Variants in TOP1MT observed in about 807,000 individuals in gnomAD.
TOP1MT encodes the protein DNA topoisomerase I, mitochondrial.
Under a neutral mutation model 73.9 loss-of-function variants are expected in TOP1MT, and 80 were observed. The ratio of observed to expected loss-of-function variants is 1.08; its 90% CI spans 0.90 to 1.30. TOP1MT has a LOEUF of 1.30. Among genes scored for constraint, TOP1MT ranks in the 50% most tolerant of loss-of-function variants. TOP1MT has a pLI of 0.00. For synonymous variants in TOP1MT, 338 were observed against 326.4 expected (o/e 1.04, Z -0.38); for missense variants, 815 against 808.0 (o/e 1.01, Z -0.10).
chr8:143,326,640 C>T (rs993571961), intron 3 of TOP1MT, among the ~76,000 whole-genome samples: 4 of 152,198 alleles, frequency 2.6e-5, no homozygotes, highest in African/African-American at 9.7e-5. Flanking sequence ...AAAACCTTTG[C>T]ACCCAATAAT....
At chr8:143,359,409 G>A (rs1817465266), upstream of TOP1MT, 2 of 985,256 alleles carry the variant, frequency 2.0e-6, no homozygotes, top group African/African-American at 1.7e-5. Flanking sequence ...GTCACTCTGG[G>A]GCAGAAGACA....
intron 1 of TOP1MT, among the ~76,000 whole-genome samples, chr8:143,354,491 T>TC: frequency 6.6e-6 from 1 of 152,048 alleles, no homozygotes; most frequent in East Asian, 1.9e-4. Flanking sequence ...GGCAGGCGGA[T>TC]TACCTGAGGT....
chr8:143,321,201 C>G lies in TOP1MT; in HGVS notation c.1146G>C (p.Pro382=), dbSNP rs374030470. 1.3e-5 allele frequency: 21 copies of G among 1,589,194 alleles called. No homozygotes were observed. Among genetic ancestry groups the G allele is most frequent in the Admixed American group, 1.7e-5 (1 of 58,098 alleles). The change falls in exon 8 of 14, where the codon CCG becomes CCC. Residue 382 remains proline (P), a splice_region_variant and synonymous_variant. Transcript: ENST00000329245. ...RYYNRVPVEK[P]VYKNLQLFME... ...GGGCAGCTGGCGCGAGGGCACTCAC[C>G]GGCTTCTCCACCGGCACTCTGTTGT... is the stretch of plus-strand genomic sequence containing the variant.
rs758359685 is a variant in TOP1MT, at chr8:143,315,979, G to A, written c.1458+20C>T. ...GGGTCCCTTGAGGGCTGGGCTGGGG[G>A]CTCTCCTGGGAGCTGCTACCTTCGT... On this transcript the variant is annotated intron_variant, in intron 11 of 13. Transcript: ENST00000329245. The A allele has an allele frequency of 3.6e-5, 58 of 1,613,926 alleles. No homozygotes were observed. Among genetic ancestry groups the A allele is most frequent in the Non-Finnish European group, 4.7e-5 (56 of 1,179,956 alleles).
At chr8:143,359,174 C>G (rs1817462172), upstream of TOP1MT, 1 of 965,942 alleles carries the variant, frequency 1.0e-6, no homozygotes, top group Non-Finnish European at 1.2e-6. Flanking sequence ...TGCATAGAGA[C>G]TCCCCTGAAA....
At chr8:143,348,901 C>T (rs1817275299), upstream of TOP1MT, among the ~76,000 whole-genome samples, 1 of 152,220 alleles carries the variant, frequency 6.6e-6, no homozygotes, top group Non-Finnish European at 1.5e-5. The surrounding 1 kb of genome is among the most constrained non-coding windows in gnomAD (Gnocchi z 4.6). Context: ...CCCCAACTCA[C>T]CCTAAGCTGA....
chr8:143,345,920 C>T (rs1031540864), upstream of TOP1MT, among the ~76,000 whole-genome samples: 6 of 152,228 alleles, frequency 3.9e-5, no homozygotes, highest in African/African-American at 1.4e-4. Flanking sequence ...CCGCAGGAAA[C>T]ACCTGCAGAA....
chr8:143,311,115 T>C (rs1321581684), intron 12 of TOP1MT, among the ~76,000 whole-genome samples: 1 of 133,450 alleles, frequency 7.5e-6, no homozygotes, highest in Non-Finnish European at 1.6e-5. Context: ...ACCACGCACA[T>C]GATTTTTTTT....
intron 1 of TOP1MT, among the ~76,000 whole-genome samples, chr8:143,354,372 G>T (rs1445170485): frequency 2.0e-5 from 3 of 152,090 alleles, no homozygotes; most frequent in Non-Finnish European, 4.4e-5. Context: ...ATAGAAAGTA[G>T]ATTAGTGGTT....
chr8:143,322,709 C>G (rs1586760396), intron 7 of TOP1MT, among the ~76,000 whole-genome samples: 3 of 42,224 alleles, frequency 7.1e-5, no homozygotes, highest in African/African-American at 3.6e-4. Flanking sequence ...GCACGCCACA[C>G]GCACGCCACA....
rs1815973057 is a variant in TOP1MT, at chr8:143,310,218, C to T, written c.1554-1G>A. The T allele has an allele frequency of 6.4e-7, 1 of 1,553,924 alleles. No individual in the cohort carries two copies. The highest frequency in any genetic ancestry group is 1.9e-5 in the Admixed American group (1 of 51,454). ...GAGCCGCCTCTTCTTCTCCAGGACA[C>T]TGGCAAGAGAAGAGGAGGCCGCGAG... is the stretch of plus-strand genomic sequence containing the variant. On this transcript the variant is annotated splice_acceptor_variant, in intron 12 of 13. Transcript: ENST00000329245. LOFTEE classifies it high-confidence loss of function.
At chr8:143,324,724 G>T in intron 5 of TOP1MT, 95 bp from the exon 6 acceptor site, 1 of 1,464,218 alleles carries the variant, frequency 6.8e-7, no homozygotes, top group Non-Finnish European at 9.2e-7. Context: ...CCACGTGGTG[G>T]CTATGGTGGT....
In TOP1MT at chr8:143,329,403, C is replaced by T; in HGVS notation, c.307G>A (p.Glu103Lys). Residue 103 changes from glutamate to lysine, a missense_variant, in exon 3 of 14, where the codon GAA becomes AAA. Physicochemically the swap from Glu to Lys is moderately conservative, Grantham distance 56. Transcript: ENST00000329245. Reference sequence around the variant, plus strand: ...CGGAAAACCTCCTTTGTTGTGTATTCATGATCTAACATCCTCCCATAAAAA... The same window carrying T: ...CGGAAAACCTCCTTTGTTGTGTATTTATGATCTAACATCCTCCCATAAAAA... ...ATFYGRMLDH[E>K]YTTKEVFRKN... is the part of the protein sequence containing the mutation. 5 of 1,610,772 alleles carry T rather than the reference C, an allele frequency of 3.1e-6. No homozygotes were observed. Among genetic ancestry groups the T allele is most frequent in the Non-Finnish European group, 4.2e-6 (5 of 1,179,134 alleles).
chr8:143,323,973 C>G (rs755449565), intron 7 of TOP1MT, 26 bp downstream of exon 7: 2 of 1,608,932 alleles, frequency 1.2e-6, no homozygotes, highest in African/African-American at 2.7e-5. Flanking sequence ...GATGAAGAGC[C>G]GCCAGGAAGC....
intron 1 of TOP1MT, 67 bp downstream of exon 1, chr8:143,334,673 C>T: frequency 6.3e-7 from 1 of 1,578,804 alleles, no homozygotes; most frequent in Non-Finnish European, 8.6e-7. Flanking sequence ...GCCTGCCACT[C>T]CCCTTTCTGG....
intron 2 of TOP1MT, among the ~76,000 whole-genome samples, chr8:143,330,542 C>T (rs1162166711): frequency 6.6e-6 from 1 of 152,254 alleles, no homozygotes; most frequent in Non-Finnish European, 1.5e-5. Flanking sequence ...TGTGACTCGG[C>T]AGGGGGCCCA....
intron 1 of TOP1MT, among the ~76,000 whole-genome samples, chr8:143,354,942 C>T (rs1210611719): frequency 6.6e-6 from 1 of 152,184 alleles, no homozygotes; most frequent in Non-Finnish European, 1.5e-5. Flanking sequence ...GGACAGAAAA[C>T]AGTCACGCAA....
At position 143,309,368 on chromosome 8, in the gene TOP1MT, A is replaced by G; in HGVS notation, c.*73T>C. The G allele has an allele frequency of 1.3e-6, 2 of 1,513,972 alleles. No homozygotes were observed. Among genetic ancestry groups the G allele is most frequent in the Non-Finnish European group, 9.0e-7 (1 of 1,106,312 alleles). The allele number at this position is 1,513,972 out of a possible 1,614,324, so 93.8% of individuals were successfully genotyped here. A position where few individuals can be genotyped will look rare whatever the true frequency, so the allele number is the denominator to read the frequency against. Reference sequence around the variant, plus strand: ...GCACTTGCACACATTTTATTGTACAAAATTCCCCAGTACTGCTTTAATAGT... The same window carrying G: ...GCACTTGCACACATTTTATTGTACAGAATTCCCCAGTACTGCTTTAATAGT... On this transcript the variant is annotated 3_prime_UTR_variant, in exon 14 of 14. Transcript: ENST00000329245.
chr8:143,322,740 C>A (rs1328071853), intron 7 of TOP1MT, among the ~76,000 whole-genome samples: 2 of 18,602 alleles, frequency 1.1e-4, no homozygotes, highest in Non-Finnish European at 1.7e-4. Flanking sequence ...CCACACACGC[C>A]ACACACGCAC....
Sources: gnomAD v4.1 joint callset for allele counts (sites outside exome capture counted in the v4.1 genomes callset) on GRCh38, gnomAD v4.1.1 for gene constraint, Gnocchi (gnomAD v3.1) non-coding constraint, MANE v1.5 for transcripts, NCBI Gene and HGNC (gene_info 2026-07-23, HGNC 2026-07-21) for gene names.